The following CNTNAP5 variants were observed in gnomAD, a reference collection of about 807,000 sequenced individuals.
CNTNAP5 encodes contactin-associated protein-like 5.
In CNTNAP5, 72 loss-of-function variants were observed where a neutral mutation model predicts 150.2. That is an observed-to-expected ratio of 0.48 (90% CI 0.40 to 0.58). The LOEUF (loss-of-function observed/expected upper bound fraction) is 0.58, where lower values mean the gene tolerates loss of function less well. Ranked by LOEUF, CNTNAP5 falls within the 20% of genes least tolerant of loss-of-function variation. The pLI is 0.00. For synonymous variants in CNTNAP5, 672 were observed against 619.8 expected (o/e 1.08, Z -1.25); for missense variants, 1,636 against 1,626.2 (o/e 1.01, Z -0.10).
chr2:124,119,479 A>G (rs1683510108), intron 1 of CNTNAP5, among the ~76,000 whole-genome samples: 2 of 152,060 alleles, frequency 1.3e-5, no homozygotes, highest in South Asian at 4.1e-4. Context: ...TGTTCTCACC[A>G]GTAAAAACAA....
At chr2:124,355,604 C>A (rs954350703) in intron 3 of CNTNAP5, among the ~76,000 whole-genome samples, 6 of 152,122 alleles carry the variant, frequency 3.9e-5, no homozygotes, top group Non-Finnish European at 7.4e-5. Flanking sequence ...TGCAGGTGAG[C>A]CCAGAGGTTC....
intron 10 of CNTNAP5, among the ~76,000 whole-genome samples, chr2:124,542,903 G>A (rs754598478): frequency 5.9e-5 from 9 of 152,126 alleles, no homozygotes; most frequent in Non-Finnish European, 1.2e-4. Context: ...AACTCAACAC[G>A]ACTCTTGGTT....
chr2:124,505,707 C>G (rs1694390832), intron 8 of CNTNAP5, among the ~76,000 whole-genome samples: 1 of 152,090 alleles, frequency 6.6e-6, no homozygotes, highest in Admixed American at 6.6e-5. Flanking sequence ...CTCTCTCATT[C>G]TCTGTTATGT....
intron 7 of CNTNAP5, among the ~76,000 whole-genome samples, chr2:124,492,427 T>C (rs1335846364): frequency 6.6e-6 from 1 of 152,228 alleles, no homozygotes; most frequent in Non-Finnish European, 1.5e-5. Context: ...CTTTGTTCTG[T>C]TGATCTCTGT....
chr2:124,066,544 T>C (rs1682161392), intron 1 of CNTNAP5, among the ~76,000 whole-genome samples: 1 of 152,156 alleles, frequency 6.6e-6, no homozygotes, highest in Non-Finnish European at 1.5e-5. Flanking sequence ...ATTATTGTGC[T>C]TGGGACCTTC....
chr2:124,450,110 C>T (rs1337897963), intron 6 of CNTNAP5, among the ~76,000 whole-genome samples: 1 of 151,990 alleles, frequency 6.6e-6, no homozygotes, highest in Non-Finnish European at 1.5e-5. Flanking sequence ...TTGCTTTCTG[C>T]CATGCGTCCA....
intron 1 of CNTNAP5, among the ~76,000 whole-genome samples, chr2:124,156,556 TG>T (rs2104642373): frequency 6.6e-6 from 1 of 152,292 alleles, no homozygotes; most frequent in East Asian, 1.9e-4. Flanking sequence ...ATTGCAATGC[TG>T]TGGTCTTGGC....
At chr2:124,852,162 AG>A (rs1337818176) in intron 19 of CNTNAP5, among the ~76,000 whole-genome samples, 1 of 152,200 alleles carries the variant, frequency 6.6e-6, no homozygotes, top group East Asian at 1.9e-4. Context: ...GCAATTACGG[AG>A]GGTTTGCAAT....
chr2:124,211,184 C>A (rs761844549), intron 1 of CNTNAP5, among the ~76,000 whole-genome samples: 1 of 152,146 alleles, frequency 6.6e-6, no homozygotes, highest in East Asian at 1.9e-4. Flanking sequence ...TGCTAAAAAC[C>A]GTGTGGATGG....
intron 3 of CNTNAP5, among the ~76,000 whole-genome samples, chr2:124,406,647 G>C (rs909737831): frequency 6.6e-6 from 1 of 152,148 alleles, no homozygotes; most frequent in African/African-American, 2.4e-5. Context: ...GATCAAGTCA[G>C]GGTATTTGGG....
At chr2:124,769,167 A>T (rs767541800) in intron 16 of CNTNAP5, among the ~76,000 whole-genome samples, 11 of 152,006 alleles carry the variant, frequency 7.2e-5, no homozygotes, top group African/African-American at 1.2e-4. Context: ...TGTCCTAAGG[A>T]TATTCTCTAA....
At chr2:124,569,466 G>A (rs12623983) in intron 11 of CNTNAP5, among the ~76,000 whole-genome samples, 30,661 of 151,982 alleles carry the variant, frequency 0.2, 4,159 homozygotes, top group East Asian at 0.62. Context: ...TGCTTCCACA[G>A]AATTTTCTTT....
chr2:124,085,320 A>C lies in CNTNAP5; in HGVS notation c.82+59588A>C, dbSNP rs527271864. On this transcript the variant is annotated intron_variant, in intron 1 of 23. Coordinates refer to ENST00000682447, the MANE Select transcript of CNTNAP5 (RefSeq NM_001367498.1). ...TTTAAAGACTCACTCATTTCGTCAA[A>C]GTTTCAGATTTATGAGATACAGCTG... 2.0e-5 allele frequency among the ~76,000 whole-genome samples: 3 copies of C among 152,272 alleles called. No individual in the cohort carries two copies. In the South Asian group the frequency reaches 6.2e-4, roughly 32 times the overall value.
intron 8 of CNTNAP5, among the ~76,000 whole-genome samples, chr2:124,509,044 T>A (rs1197250354): frequency 6.8e-6 from 1 of 146,894 alleles, no homozygotes; most frequent in Admixed American, 6.8e-5. Flanking sequence ...GGTCAGAGAA[T>A]GCAGATAATC....
chr2:124,856,546 T>C (rs969504448), intron 19 of CNTNAP5, among the ~76,000 whole-genome samples: 1 of 152,198 alleles, frequency 6.6e-6, no homozygotes, highest in South Asian at 2.1e-4. Flanking sequence ...AGGAGTAAGG[T>C]AATATCGCAA....
intron 1 of CNTNAP5, among the ~76,000 whole-genome samples, chr2:124,054,259 T>G (rs1393701034): frequency 2.6e-5 from 4 of 152,132 alleles, no homozygotes; most frequent in Non-Finnish European, 5.9e-5. Flanking sequence ...CTTTTTAAAC[T>G]GTATATTTGG....
At chr2:124,620,171 C>T (rs1296193622) in intron 12 of CNTNAP5, among the ~76,000 whole-genome samples, 1 of 152,002 alleles carries the variant, frequency 6.6e-6, no homozygotes, top group Non-Finnish European at 1.5e-5. Flanking sequence ...TACTTTTATA[C>T]ACACTTGAAT....
In CNTNAP5 at chr2:124,918,368, C is replaced by G. The variant is rs528148665; in HGVS notation, c.*4080C>G. Among the ~76,000 whole-genome samples the G allele has an allele frequency of 2.0e-5, 3 of 152,160 alleles. No individual in the cohort carries two copies. In the South Asian group the frequency reaches 6.2e-4, roughly 32 times the overall value. On this transcript the variant is annotated 3_prime_UTR_variant, in exon 24 of 24. Transcript: ENST00000682447. ...CTGAACCTAACTGAAGTCTACCCTTCCATCAGTAATTGACTAAAAAAATGT... is the reference window on the plus strand; with the variant it reads ...CTGAACCTAACTGAAGTCTACCCTTGCATCAGTAATTGACTAAAAAAATGT...
chr2:124,375,722 G>A (rs541701828), intron 3 of CNTNAP5, among the ~76,000 whole-genome samples: 2 of 152,058 alleles, frequency 1.3e-5, no homozygotes, highest in Admixed American at 6.6e-5. Context: ...AACTGACCGA[G>A]TGGCGTACAG....
Sources: gnomAD v4.1 joint callset for allele counts (sites outside exome capture counted in the v4.1 genomes callset) on GRCh38, gnomAD v4.1.1 for gene constraint, MANE v1.5 for transcripts, NCBI Gene and HGNC (gene_info 2026-07-23, HGNC 2026-07-21) for gene names.